The following CCDC178 variants were observed in gnomAD, a reference collection of about 807,000 sequenced individuals.
The protein encoded by CCDC178 is coiled-coil domain-containing protein 178.
A neutral mutation model predicts 117.4 loss-of-function variants in CCDC178; 126 were observed. That is an observed-to-expected ratio of 1.07 (90% CI 0.93 to 1.24). CCDC178 has a LOEUF of 1.24. Ranked by LOEUF, CCDC178 falls within the 50% of genes most tolerant of loss-of-function variation. The probability of loss-of-function intolerance (pLI) is 0.00; values close to 1 mark genes in which losing one functional copy is unlikely to be tolerated. For synonymous variants in CCDC178, 283 were observed against 313.4 expected, an observed-to-expected ratio of 0.90 and a Z score of 1.02; for missense variants, 1,030 against 986.9, an observed-to-expected ratio of 1.04 and a Z score of -0.59.
intron 7 of CCDC178, among the ~76,000 whole-genome samples, chr18:33,353,214 T>G (rs2063000974): frequency 6.6e-6 from 1 of 152,090 alleles, no homozygotes; most frequent in Non-Finnish European, 1.5e-5. Context: ...GATATTGGTA[T>G]AGTCACTCCA....
At chr18:33,111,538 T>C (rs2057783071) in intron 20 of CCDC178, among the ~76,000 whole-genome samples, 1 of 151,726 alleles carries the variant, frequency 6.6e-6, no homozygotes, top group Admixed American at 6.6e-5. Flanking sequence ...AATTGCTTAC[T>C]TTGATTTTGG....
chr18:33,401,772 A>G (rs2063712516), intron 3 of CCDC178, among the ~76,000 whole-genome samples: 1 of 152,116 alleles, frequency 6.6e-6, no homozygotes, highest in Non-Finnish European at 1.5e-5. Context: ...TAAATATGAC[A>G]CAAAAAGAAA....
At chr18:33,216,805 A>G (rs1016570226) in intron 18 of CCDC178, among the ~76,000 whole-genome samples, 4 of 151,948 alleles carry the variant, frequency 2.6e-5, no homozygotes, top group Admixed American at 2.0e-4. Context: ...TCCTTATACT[A>G]GAATGTAGTG....
intron 21 of CCDC178, among the ~76,000 whole-genome samples, chr18:32,976,418 G>A (rs911504767): frequency 6.6e-6 from 1 of 152,086 alleles, no homozygotes; most frequent in Non-Finnish European, 1.5e-5. Context: ...GTTCAGGAAT[G>A]ATCCATAGGA....
At chr18:33,049,215 T>A (rs920739984) in intron 21 of CCDC178, among the ~76,000 whole-genome samples, 1 of 152,082 alleles carries the variant, frequency 6.6e-6, no homozygotes, top group Non-Finnish European at 1.5e-5. Context: ...TAGTGGTTTT[T>A]TAATTTATAA....
intron 20 of CCDC178, among the ~76,000 whole-genome samples, chr18:33,204,171 G>A (rs1568053987): frequency 6.6e-6 from 1 of 151,916 alleles, no homozygotes; most frequent in Non-Finnish European, 1.5e-5. Context: ...AATAGTGAAA[G>A]ACAAAAATAG....
intron 5 of CCDC178, among the ~76,000 whole-genome samples, chr18:33,380,193 G>A (rs2063423844): frequency 6.6e-6 from 1 of 152,158 alleles, no homozygotes; most frequent in African/African-American, 2.4e-5. Context: ...TCATCACCCA[G>A]GAGAAGCTGG....
intron 21 of CCDC178, among the ~76,000 whole-genome samples, chr18:33,061,663 C>T (rs1013486049): frequency 2.0e-5 from 3 of 152,160 alleles, no homozygotes; most frequent in African/African-American, 7.2e-5. Flanking sequence ...AGCTCAGCTA[C>T]ATCTTCACAC....
chr18:33,050,248 T>C (rs6507004), intron 21 of CCDC178, among the ~76,000 whole-genome samples: 14,218 of 152,208 alleles, frequency 0.093, 936 homozygotes, highest in African/African-American at 0.18. Context: ...GTTCATTTTC[T>C]TATAATGTTA....
At chr18:32,995,105 C>T (rs1307413156) in intron 21 of CCDC178, among the ~76,000 whole-genome samples, 4 of 152,120 alleles carry the variant, frequency 2.6e-5, no homozygotes, top group Non-Finnish European at 5.9e-5. Flanking sequence ...ATTACATGGG[C>T]TCAGTCCCTG....
At chr18:33,294,936 T>G (rs1056566049) in intron 11 of CCDC178, among the ~76,000 whole-genome samples, 1 of 152,160 alleles carries the variant, frequency 6.6e-6, no homozygotes, top group African/African-American at 2.4e-5. Flanking sequence ...TTTGAGGGTT[T>G]CCCAGAAAAG....
chr18:33,348,765 T>C, intron 8 of CCDC178, 125 bp downstream of exon 8: 1 of 649,238 alleles, frequency 1.5e-6, no homozygotes, highest in Non-Finnish European at 2.7e-6. Flanking sequence ...CTATTTTGTC[T>C]ATTAAACATT....
intron 21 of CCDC178, among the ~76,000 whole-genome samples, chr18:33,053,640 T>C (rs2056781819): frequency 6.6e-6 from 1 of 152,090 alleles, no homozygotes; most frequent in East Asian, 1.9e-4. Context: ...TAAAAATAAG[T>C]TATGGGGGTT....
At chr18:33,131,828 T>C (rs1423254503) in intron 20 of CCDC178, among the ~76,000 whole-genome samples, 1 of 151,762 alleles carries the variant, frequency 6.6e-6, no homozygotes, top group African/African-American at 2.4e-5. Flanking sequence ...CTAAATATAA[T>C]TCCAGGCCCA....
chr18:33,428,224 C>T (rs2064148200), intron 2 of CCDC178, among the ~76,000 whole-genome samples: 1 of 152,122 alleles, frequency 6.6e-6, no homozygotes, highest in Admixed American at 6.5e-5. Context: ...AATGAGACAA[C>T]TCCTGCCCTC....
intron 7 of CCDC178, among the ~76,000 whole-genome samples, chr18:33,351,148 A>ATGTGTGTGTGTGTGTG (rs143702049): frequency 3.6e-4 from 50 of 138,172 alleles, no homozygotes; most frequent in African/African-American, 1.2e-3. Context: ...ACTGATCATG[A>ATGTGTGTGTGTGTGTG]TGTGTGTGTG....
At chr18:33,239,345 C>T (rs1716671934) in intron 15 of CCDC178, among the ~76,000 whole-genome samples, 1 of 151,790 alleles carries the variant, frequency 6.6e-6, no homozygotes, top group Non-Finnish European at 1.5e-5. Flanking sequence ...GGATTAATTC[C>T]TCATTTATCA....
intron 21 of CCDC178, among the ~76,000 whole-genome samples, chr18:33,070,605 G>A: frequency 6.6e-6 from 1 of 152,018 alleles, no homozygotes; most frequent in East Asian, 1.9e-4. Context: ...TGATAGCATG[G>A]TAGAGTGACC....
chr18:32,963,947 T>C (rs1037008382), intron 22 of CCDC178, among the ~76,000 whole-genome samples: 1 of 152,070 alleles, frequency 6.6e-6, no homozygotes, highest in Non-Finnish European at 1.5e-5. Flanking sequence ...ATGTGTATTG[T>C]ATACATTATG....
Sources: allele counts gnomAD v4.1 joint callset (sites outside exome capture counted in the v4.1 genomes callset), GRCh38; gene constraint gnomAD v4.1.1; transcripts MANE v1.5; gene names NCBI Gene and HGNC (gene_info 2026-07-23, HGNC 2026-07-21).